Variants in PLCXD2 observed in about 807,000 individuals in gnomAD.
PLCXD2 encodes phosphatidylinositol specific phospholipase C X domain containing 2, also known as PI-PLC X domain-containing protein 2.
PLCXD2 carries 21 observed loss-of-function variants against 28.6 expected under a neutral mutation model. That is an observed-to-expected ratio of 0.73 (90% CI 0.52 to 1.06). The LOEUF (loss-of-function observed/expected upper bound fraction) is 1.06. Among genes scored for constraint, PLCXD2 ranks in the 50% least tolerant of loss-of-function variants. The pLI is 0.00. For synonymous variants in PLCXD2, 140 were observed against 150.1 expected, an observed-to-expected ratio of 0.93 and a Z score of 0.49; for missense variants, 369 against 376.7, an observed-to-expected ratio of 0.98 and a Z score of 0.17.
chr3:111,688,463 T>C (rs73214104), intron 1 of PLCXD2, among the ~76,000 whole-genome samples: 3,025 of 152,352 alleles, frequency 0.02, 45 homozygotes, highest in Non-Finnish European at 0.032. Flanking sequence ...TGTGTGACAG[T>C]ACCACACAAA....
intron 3 of PLCXD2, among the ~76,000 whole-genome samples, chr3:111,718,460 G>A (rs1281169600): frequency 3.3e-5 from 5 of 150,512 alleles, no homozygotes; most frequent in Non-Finnish European, 7.4e-5. Context: ...GGAAGACTCC[G>A]TCTCAAAAAA....
chr3:111,705,017 A>G (rs1049436865), intron 1 of PLCXD2, among the ~76,000 whole-genome samples: 2 of 151,920 alleles, frequency 1.3e-5, no homozygotes, highest in South Asian at 2.1e-4. Flanking sequence ...GGGTTTCATC[A>G]TATTGGCCAG....
chr3:111,721,600 A>G (rs1941346764), intron 3 of PLCXD2: 1 of 152,224 alleles, frequency 6.6e-6, no homozygotes, highest in Admixed American at 6.5e-5. Context: ...CCTTCTTAAA[A>G]GTGAAAAGAA....
chr3:111,720,940 G>C, intron 3 of PLCXD2: 1 of 415,178 alleles, frequency 2.4e-6, no homozygotes, highest in Non-Finnish European at 4.4e-6. Flanking sequence ...GAGTTCTAAA[G>C]GATGTCCTGT....
intron 1 of PLCXD2, among the ~76,000 whole-genome samples, chr3:111,698,732 A>G (rs1940997379): frequency 2.0e-5 from 3 of 152,202 alleles, no homozygotes; most frequent in South Asian, 4.1e-4. Context: ...AATTAAGGAT[A>G]AAAAGAGACA....
At position 111,690,018 on chromosome 3, in the gene PLCXD2, A is replaced by T. The variant is rs569001693; in HGVS notation, c.163+14610A>T. On this transcript the variant is annotated intron_variant, in intron 1 of 4. Coordinates refer to ENST00000477665, the MANE Select transcript of PLCXD2 (RefSeq NM_001185106.1). ...ATTTATATAAAGCCAATTAATTATT[A>T]TAATAAATTAATGATGTAGATACTC... Among the ~76,000 whole-genome samples, 18 of 152,346 alleles carry T rather than the reference A, an allele frequency of 1.2e-4. No homozygotes were observed. The East Asian group carries it at 2.9e-3, about 24-fold the overall frequency.
chr3:111,677,986 C>T (rs546454049), intron 1 of PLCXD2, among the ~76,000 whole-genome samples: 7 of 152,144 alleles, frequency 4.6e-5, no homozygotes, highest in Non-Finnish European at 1.0e-4. Context: ...TGTGCGTGTG[C>T]GCCCACATGC....
chr3:111,716,403 G>A (rs770032808), intron 3 of PLCXD2, among the ~76,000 whole-genome samples: 15 of 152,160 alleles, frequency 9.9e-5, no homozygotes, highest in Admixed American at 3.9e-4. Context: ...GTGGTTTCTC[G>A]GCAGGGATTT....
intron 1 of PLCXD2, among the ~76,000 whole-genome samples, chr3:111,699,243 C>A (rs1424026797): frequency 6.6e-6 from 1 of 152,190 alleles, no homozygotes; most frequent in Admixed American, 6.5e-5. Context: ...TCCATGGCTA[C>A]AAGTGTGGTC....
intron 1 of PLCXD2, among the ~76,000 whole-genome samples, chr3:111,690,518 C>T (rs73852860): frequency 2.6e-5 from 4 of 152,364 alleles, no homozygotes; most frequent in African/African-American, 9.6e-5. Flanking sequence ...TCTGCCTCTA[C>T]ACAGAAAGAC....
At chr3:111,684,462 T>C (rs1940764294) in intron 1 of PLCXD2, among the ~76,000 whole-genome samples, 1 of 151,944 alleles carries the variant, frequency 6.6e-6, no homozygotes, top group Admixed American at 6.6e-5. Context: ...GAGACTAGCC[T>C]GGCCAACATG....
intron 1 of PLCXD2, among the ~76,000 whole-genome samples, chr3:111,680,165 C>T (rs1043916482): frequency 1.3e-5 from 2 of 152,156 alleles, no homozygotes; most frequent in African/African-American, 4.8e-5. Flanking sequence ...TGTGGCCGCA[C>T]ACCCTCTTCC....
chr3:111,725,357 C>A, intron 3 of PLCXD2: 1 of 323,534 alleles, frequency 3.1e-6, no homozygotes. Context: ...GTGTTTGGCA[C>A]CATAGCGTTG....
intron 1 of PLCXD2, among the ~76,000 whole-genome samples, chr3:111,700,168 C>T (rs541613156): frequency 6.6e-6 from 1 of 152,142 alleles, no homozygotes; most frequent in Non-Finnish European, 1.5e-5. Context: ...CCCTGCTCTG[C>T]CACCTCCCAG....
intron 1 of PLCXD2, among the ~76,000 whole-genome samples, chr3:111,703,777 T>C (rs1441625775): frequency 6.6e-6 from 1 of 152,218 alleles, no homozygotes; most frequent in Non-Finnish European, 1.5e-5. Flanking sequence ...CCAGGGAGCC[T>C]CGTTAACAGA....
At chr3:111,704,782 C>T (rs1941093949) in intron 1 of PLCXD2, among the ~76,000 whole-genome samples, 1 of 151,704 alleles carries the variant, frequency 6.6e-6, no homozygotes, top group African/African-American at 2.4e-5. Context: ...TACAGTGCTG[C>T]AAAACACCAG....
At chr3:111,678,113 G>A (rs371343443) in intron 1 of PLCXD2, among the ~76,000 whole-genome samples, 1 of 152,166 alleles carries the variant, frequency 6.6e-6, no homozygotes, top group African/African-American at 2.4e-5. Flanking sequence ...GAAATGAGAT[G>A]GAGTAAACTA....
At chr3:111,711,641 T>C (rs535464413) in intron 2 of PLCXD2, among the ~76,000 whole-genome samples, 2 of 152,348 alleles carry the variant, frequency 1.3e-5, no homozygotes, top group Admixed American at 1.3e-4. Flanking sequence ...CATAGGTATA[T>C]ATTTATTTGT....
rs990277580 is a variant in PLCXD2 at position 111,710,779 on chromosome 3, A to G, written c.624+2393A>G. ...AGCTTTGGAATTTGGGGATTCGGTT[A>G]AATTTGAGTACAGATATAATTTTAT... is the stretch of plus-strand genomic sequence containing the variant. On this transcript the variant is annotated intron_variant, in intron 2 of 4. Coordinates refer to ENST00000477665, the MANE Select transcript of PLCXD2 (RefSeq NM_001185106.1). Among the ~76,000 whole-genome samples, 12 of 152,330 alleles carry G rather than the reference A, an allele frequency of 7.9e-5. No homozygotes were observed. In the East Asian group the frequency reaches 2.3e-3, roughly 29 times the overall value.
Sources: gnomAD v4.1 joint callset for allele counts (sites outside exome capture counted in the v4.1 genomes callset) on GRCh38, gnomAD v4.1.1 for gene constraint, MANE v1.5 for transcripts, NCBI Gene and HGNC (gene_info 2026-07-23, HGNC 2026-07-21) for gene names.